Variants in ARHGAP15 observed in about 807,000 individuals in gnomAD.
The protein encoded by ARHGAP15 is rho GTPase-activating protein 15.
A neutral mutation model predicts 63.7 loss-of-function variants in ARHGAP15; 51 were observed. The ratio of observed to expected loss-of-function variants is 0.80; its 90% CI spans 0.64 to 1.01. The LOEUF (loss-of-function observed/expected upper bound fraction) is 1.01, where lower values mean the gene tolerates loss of function less well. Ranked by LOEUF, ARHGAP15 falls within the 50% of genes least tolerant of loss-of-function variation. The probability of loss-of-function intolerance (pLI) is 0.00; values close to 1 mark genes in which losing one functional copy is unlikely to be tolerated. For synonymous variants in ARHGAP15, 191 were observed against 193.8 expected, an observed-to-expected ratio of 0.99 and a Z score of 0.12; for missense variants, 560 against 564.6, an observed-to-expected ratio of 0.99 and a Z score of 0.08.
At chr2:143,241,320 A>C (rs1693851479) in intron 5 of ARHGAP15, among the ~76,000 whole-genome samples, 1 of 152,192 alleles carries the variant, frequency 6.6e-6, no homozygotes, top group Non-Finnish European at 1.5e-5. Context: ...ATTTATTTTC[A>C]CATATTTATT....
chr2:143,234,071 A>C (rs1301291276), intron 5 of ARHGAP15, among the ~76,000 whole-genome samples: 1 of 151,806 alleles, frequency 6.6e-6, no homozygotes, highest in African/African-American at 2.4e-5. Flanking sequence ...CATTTTTCTT[A>C]TATTTTTGTC....
At chr2:143,304,370 C>T (rs866967119) in intron 6 of ARHGAP15, among the ~76,000 whole-genome samples, 9 of 151,974 alleles carry the variant, frequency 5.9e-5, no homozygotes, top group South Asian at 2.1e-4. Context: ...AACCAAACAC[C>T]GCATATTCTC....
chr2:143,350,434 G>A (rs188743279), intron 6 of ARHGAP15, among the ~76,000 whole-genome samples: 6 of 152,178 alleles, frequency 3.9e-5, no homozygotes, highest in Admixed American at 3.3e-4. Flanking sequence ...ACCATAACTA[G>A]TTTCATATCA....
intron 4 of ARHGAP15, among the ~76,000 whole-genome samples, chr2:143,221,615 A>G (rs1194507126): frequency 6.6e-6 from 1 of 152,176 alleles, no homozygotes; most frequent in Non-Finnish European, 1.5e-5. Context: ...GTTATTTTCA[A>G]TGCTTACATT....
At chr2:143,550,176 T>A (rs1695493086) in intron 10 of ARHGAP15, among the ~76,000 whole-genome samples, 4 of 152,128 alleles carry the variant, frequency 2.6e-5, no homozygotes, top group Admixed American at 2.6e-4. Context: ...AAAAGCAATT[T>A]ACCTGCAAAG....
At chr2:143,680,030 A>C (rs1683027602) in intron 12 of ARHGAP15, among the ~76,000 whole-genome samples, 2 of 14,084 alleles carry the variant, frequency 1.4e-4, no homozygotes, top group East Asian at 0.5. Context: ...TTAAAAAAAA[A>C]AAAAAAAAAA....
At chr2:143,519,426 A>C in intron 10 of ARHGAP15, 62 bp downstream of exon 10, 3 of 1,330,810 alleles carry the variant, frequency 2.3e-6, no homozygotes, top group African/African-American at 1.5e-5. Flanking sequence ...ACCAATACTC[A>C]AGTTAGCAGT....
At chr2:143,697,273 C>T (rs1203450301) in intron 12 of ARHGAP15, among the ~76,000 whole-genome samples, 1 of 152,098 alleles carries the variant, frequency 6.6e-6, no homozygotes, top group Non-Finnish European at 1.5e-5. Flanking sequence ...TCAGAAACAA[C>T]CTTGAACCAG....
chr2:143,279,482 T>C (rs1028726749), intron 6 of ARHGAP15, among the ~76,000 whole-genome samples: 2 of 152,164 alleles, frequency 1.3e-5, no homozygotes, highest in Admixed American at 6.6e-5. Flanking sequence ...TTTGAGATCC[T>C]TTCCAATCCC....
chr2:143,681,152 C>A (rs1480244945), intron 12 of ARHGAP15, among the ~76,000 whole-genome samples: 2 of 152,160 alleles, frequency 1.3e-5, no homozygotes, highest in African/African-American at 4.8e-5. Flanking sequence ...CCCTTCCAAA[C>A]GCTACAAGCT....
intron 6 of ARHGAP15, among the ~76,000 whole-genome samples, chr2:143,422,877 G>C (rs1294356521): frequency 2.6e-5 from 4 of 152,096 alleles, no homozygotes; most frequent in Non-Finnish European, 5.9e-5. Context: ...CCGGAAGCAA[G>C]AAGAGGATAC....
intron 2 of ARHGAP15, chr2:143,193,339 T>C (rs1241985008): frequency 6.6e-6 from 1 of 152,654 alleles, no homozygotes; most frequent in Non-Finnish European, 1.5e-5. Flanking sequence ...TGTATGTGCA[T>C]CAACGGTGGG....
chr2:143,292,933 A>C (rs1205040504), intron 6 of ARHGAP15, among the ~76,000 whole-genome samples: 1 of 152,072 alleles, frequency 6.6e-6, no homozygotes, highest in Non-Finnish European at 1.5e-5. Context: ...CCAAAGTTCC[A>C]ATCCAACAGT....
At chr2:143,149,694 C>T (rs145422264) in intron 1 of ARHGAP15, among the ~76,000 whole-genome samples, 7 of 151,994 alleles carry the variant, frequency 4.6e-5, no homozygotes, top group African/African-American at 1.7e-4. Context: ...ATAAAATATC[C>T]ATAGTTTATT....
intron 6 of ARHGAP15, among the ~76,000 whole-genome samples, chr2:143,413,858 T>C (rs1374808925): frequency 1.3e-5 from 2 of 151,872 alleles, no homozygotes; most frequent in African/African-American, 2.4e-5. Flanking sequence ...TCCATTCTCT[T>C]CAAAATCTTG....
At chr2:143,499,572 A>C (rs1472969839) in intron 9 of ARHGAP15, among the ~76,000 whole-genome samples, 3 of 152,204 alleles carry the variant, frequency 2.0e-5, no homozygotes, top group Admixed American at 2.0e-4. Flanking sequence ...GAGGAGAAAT[A>C]ATTCCTGAGA....
chr2:143,181,087 A>G (rs191855116), intron 2 of ARHGAP15, among the ~76,000 whole-genome samples: 16 of 152,346 alleles, frequency 1.1e-4, no homozygotes, highest in Admixed American at 1.0e-3. Flanking sequence ...GTACATCTCC[A>G]TCAGAGCTCT....
intron 8 of ARHGAP15, among the ~76,000 whole-genome samples, chr2:143,470,928 GTA>G (rs897130087): frequency 2.7e-5 from 4 of 146,712 alleles, no homozygotes; most frequent in African/African-American, 7.4e-5. Flanking sequence ...GTGTATATGT[GTA>G]TATATGTGTG....
At chr2:143,598,366 G>A (rs1697610276) in intron 11 of ARHGAP15, among the ~76,000 whole-genome samples, 1 of 152,132 alleles carries the variant, frequency 6.6e-6, no homozygotes, top group Non-Finnish European at 1.5e-5. Flanking sequence ...AACTTCAAAT[G>A]CCTTTAGTAT....
Sources: allele counts gnomAD v4.1 joint callset (sites outside exome capture counted in the v4.1 genomes callset), GRCh38; gene constraint gnomAD v4.1.1; transcripts MANE v1.5; gene names NCBI Gene and HGNC (gene_info 2026-07-23, HGNC 2026-07-21).